EBF1: variants seen among roughly 807,000 people sequenced by gnomAD.
The protein encoded by EBF1 is EBF transcription factor 1.
EBF1 carries 10 observed loss-of-function variants against 68.4 expected under a neutral mutation model. That is an observed-to-expected ratio of 0.15 (90% confidence interval 0.09 to 0.25). The LOEUF (loss-of-function observed/expected upper bound fraction) is 0.25, where lower values mean the gene tolerates loss of function less well. Among genes scored for constraint, EBF1 ranks in the 10% least tolerant of loss-of-function variants. The pLI is 1.00. For synonymous variants in EBF1, 298 were observed against 299.8 expected (o/e 0.99, Z 0.06); for missense variants, 509 against 794.4 (o/e 0.64, Z 4.32).
chr5:159,097,161 A>C, intron 1 of EBF1, 31 bp from the exon 2 acceptor site: 1 of 1,604,528 alleles, frequency 6.2e-7, no homozygotes, highest in Non-Finnish European at 8.5e-7. Context: ...TTAGATGGCT[A>C]AACCGGACGC....
chr5:158,848,684 G>A (rs957866513), intron 6 of EBF1, among the ~76,000 whole-genome samples: 3 of 152,234 alleles, frequency 2.0e-5, no homozygotes, highest in Non-Finnish European at 2.9e-5. Flanking sequence ...CATGCAGACA[G>A]AAAGCCAGGG....
intron 6 of EBF1, among the ~76,000 whole-genome samples, chr5:158,932,047 G>A (rs919759934): frequency 1.3e-5 from 2 of 152,096 alleles, no homozygotes; most frequent in African/African-American, 2.4e-5. Context: ...TACAGTGGAT[G>A]GGCACTCTCA....
At chr5:158,771,806 G>A (rs1319897550) in intron 10 of EBF1, among the ~76,000 whole-genome samples, 1 of 152,160 alleles carries the variant, frequency 6.6e-6, no homozygotes, top group African/African-American at 2.4e-5. Context: ...TCACAATGAA[G>A]AGACTGGAGT....
At chr5:158,970,904 G>T (rs978214478) in intron 6 of EBF1, among the ~76,000 whole-genome samples, 4 of 152,262 alleles carry the variant, frequency 2.6e-5, no homozygotes, top group South Asian at 4.2e-4. Context: ...ATAGCACTGA[G>T]ACCACAAAAG....
At chr5:158,878,498 A>C (rs1234484813) in intron 6 of EBF1, among the ~76,000 whole-genome samples, 1 of 151,856 alleles carries the variant, frequency 6.6e-6, no homozygotes, top group Non-Finnish European at 1.5e-5. Context: ...GTCTCATTTA[A>C]TCTCATTATC....
intron 10 of EBF1, among the ~76,000 whole-genome samples, chr5:158,749,637 A>G (rs1004647376): frequency 4.6e-5 from 7 of 152,198 alleles, no homozygotes; most frequent in African/African-American, 1.7e-4. Context: ...ACATAAGTCA[A>G]TAAGTTCCTA....
chr5:159,065,167 C>A (rs1236200151), intron 6 of EBF1, among the ~76,000 whole-genome samples: 4 of 152,058 alleles, frequency 2.6e-5, no homozygotes, highest in Non-Finnish European at 5.9e-5. Flanking sequence ...CTCTGGAAAA[C>A]AATAAATAAA....
intron 10 of EBF1, among the ~76,000 whole-genome samples, chr5:158,748,661 T>G (rs13170526): frequency 0.069 from 10,516 of 152,242 alleles, 489 homozygotes; most frequent in Non-Finnish European, 0.1. Context: ...GCATATTAAG[T>G]GCTCATCTTC....
intron 7 of EBF1, among the ~76,000 whole-genome samples, chr5:158,827,209 C>A (rs1487939012): frequency 2.6e-5 from 4 of 152,098 alleles, no homozygotes; most frequent in Non-Finnish European, 5.9e-5. Flanking sequence ...GGGTTGATAA[C>A]CTGAAGTATC....
At chr5:158,956,742 CCACCAA>C (rs899251269) in intron 6 of EBF1, among the ~76,000 whole-genome samples, 1 of 151,112 alleles carries the variant, frequency 6.6e-6, no homozygotes, top group Non-Finnish European at 1.5e-5. Flanking sequence ...ACTACCTCTG[CCACCAA>C]CACTTCTTTT....
At chr5:158,788,828 T>C (rs1777977088) in intron 9 of EBF1, among the ~76,000 whole-genome samples, 3 of 152,214 alleles carry the variant, frequency 2.0e-5, no homozygotes, top group South Asian at 2.1e-4. Context: ...AAATGTCATC[T>C]TAAAGTCTTT....
intron 8 of EBF1, among the ~76,000 whole-genome samples, chr5:158,796,970 A>G (rs184544561): frequency 2.6e-5 from 4 of 152,296 alleles, no homozygotes; most frequent in Non-Finnish European, 4.4e-5. Context: ...TGTCTGAAAC[A>G]CTAACATTGC....
chr5:159,000,239 T>C (rs902627184), intron 6 of EBF1, among the ~76,000 whole-genome samples: 2 of 152,174 alleles, frequency 1.3e-5, no homozygotes, highest in African/African-American at 2.4e-5. Context: ...GTTGAAGTAA[T>C]AAAACTACTA....
At chr5:159,008,775 G>A (rs1764073927) in intron 6 of EBF1, among the ~76,000 whole-genome samples, 1 of 152,092 alleles carries the variant, frequency 6.6e-6, no homozygotes, top group Admixed American at 6.6e-5. Context: ...GACCTGACGT[G>A]ATTCGCCCAC....
intron 6 of EBF1, among the ~76,000 whole-genome samples, chr5:158,866,133 A>G (rs1265750968): frequency 2.6e-5 from 4 of 152,246 alleles, no homozygotes; most frequent in Non-Finnish European, 5.9e-5. Context: ...AACTTGGGTC[A>G]GAGCTGGGTC....
Position 158,851,473 on chromosome 5 carries a change from A to G in EBF1, c.555-11363T>C, listed in dbSNP as rs569013042. Among the ~76,000 whole-genome samples, 342 of 87,734 alleles carry G rather than the reference A, an allele frequency of 3.9e-3. 5 individuals are homozygous for G. The highest frequency in any genetic ancestry group is 0.015 in the African/African-American group (330 of 21,668). 57.6% of individuals were successfully genotyped at this position (87,734 alleles called of 152,430 possible). On this transcript the variant is annotated intron_variant, in intron 6 of 15. Transcript: ENST00000313708. Reference sequence around the variant, plus strand: ...GGAGAGGGAAGGGGAGAAGGGAAGGAGAGAAGGGAAGGGGAGGAAAGAAGA... The same window carrying G: ...GGAGAGGGAAGGGGAGAAGGGAAGGGGAGAAGGGAAGGGGAGGAAAGAAGA...
At chr5:158,728,970 C>T (rs1053019497) in intron 11 of EBF1, among the ~76,000 whole-genome samples, 4 of 152,062 alleles carry the variant, frequency 2.6e-5, no homozygotes, top group Non-Finnish European at 5.9e-5. Context: ...ATTAATTATC[C>T]CCATTTTATC....
At chr5:159,024,386 T>G (rs1054482120) in intron 6 of EBF1, among the ~76,000 whole-genome samples, 2 of 152,200 alleles carry the variant, frequency 1.3e-5, no homozygotes, top group African/African-American at 2.4e-5. Context: ...AACTACGTAA[T>G]TTTTCCAATT....
chr5:159,024,009 A>G (rs1767232383), intron 6 of EBF1, among the ~76,000 whole-genome samples: 1 of 152,156 alleles, frequency 6.6e-6, no homozygotes, highest in Non-Finnish European at 1.5e-5. Flanking sequence ...GGGATTATTC[A>G]AGCAAGGAAA....
Sources: gnomAD v4.1 joint callset for allele counts (sites outside exome capture counted in the v4.1 genomes callset) on GRCh38, gnomAD v4.1.1 for gene constraint, MANE v1.5 for transcripts, NCBI Gene and HGNC (gene_info 2026-07-23, HGNC 2026-07-21) for gene names.